The following FTCDNL1 variants were observed in gnomAD, a reference collection of about 807,000 sequenced individuals.
The protein encoded by FTCDNL1 is formiminotransferase cyclodeaminase N-terminal like.
In FTCDNL1, 11 loss-of-function variants were observed where a neutral mutation model predicts 5.9. The ratio of observed to expected loss-of-function variants is 1.87; its 90% CI spans 1.18 to 3.10. The LOEUF is 3.10. Among genes scored for constraint, FTCDNL1 ranks in the 30% most tolerant of loss-of-function variants. The pLI, the probability that FTCDNL1 is intolerant of heterozygous loss-of-function variation, is 0.00. For synonymous variants in FTCDNL1, 58 were observed against 24.8 expected (o/e 2.34, Z -3.99); for missense variants, 115 against 65.5 (o/e 1.76, Z -2.61).
chr2:199,816,642 T>C (rs2106483927), intron 4 of FTCDNL1, among the ~76,000 whole-genome samples: 1 of 152,350 alleles, frequency 6.6e-6, no homozygotes, highest in Non-Finnish European at 1.5e-5. Context: ...GCACTGGCTA[T>C]TCCCTCTGCC....
At chr2:199,765,530 C>CT (rs1491328860) in intron 3 of FTCDNL1, among the ~76,000 whole-genome samples, 1,154 of 89,448 alleles carry the variant, frequency 0.013, 22 homozygotes, top group East Asian at 0.053. Flanking sequence ...TTTTTGTCTT[C>CT]ATTATATATA....
chr2:199,722,674 C>T, the FTCDNL1 span, among the ~76,000 whole-genome samples: 1 of 152,114 alleles, frequency 6.6e-6, no homozygotes, highest in East Asian at 1.9e-4. Context: ...TCAATGGTAG[C>T]TTGATGGGAC....
chr2:199,685,223 A>G, the FTCDNL1 span, among the ~76,000 whole-genome samples: 1 of 152,148 alleles, frequency 6.6e-6, no homozygotes, highest in Non-Finnish European at 1.5e-5. Context: ...GACAAGGGGA[A>G]ACAGCACCTA....
chr2:199,691,286 C>T, the FTCDNL1 span, among the ~76,000 whole-genome samples: 34 of 152,226 alleles, frequency 2.2e-4, no homozygotes, highest in Non-Finnish European at 1.3e-4. Flanking sequence ...GATTCTCCTG[C>T]CTCAGCCTCC....
chr2:199,819,087 T>C (rs1318825036), intron 4 of FTCDNL1: 1 of 153,414 alleles, frequency 6.5e-6, no homozygotes, highest in East Asian at 1.9e-4. Flanking sequence ...GAACAGCTTT[T>C]TTCCAGGGTT....
intron 3 of FTCDNL1, among the ~76,000 whole-genome samples, chr2:199,792,086 TA>T (rs397961881): frequency 2.6e-4 from 39 of 149,384 alleles, no homozygotes; most frequent in Middle Eastern, 3.5e-3. Flanking sequence ...ATTTTATGTG[TA>T]AAAAAAAAAT....
downstream of FTCDNL1, among the ~76,000 whole-genome samples, chr2:199,759,934 G>A (rs143230806): frequency 4.6e-5 from 7 of 152,254 alleles, no homozygotes; most frequent in East Asian, 9.7e-4. Context: ...TGGACAGCTC[G>A]TAATTGTATT....
intron 3 of FTCDNL1, among the ~76,000 whole-genome samples, chr2:199,829,335 G>A (rs967135447): frequency 3.9e-5 from 6 of 152,066 alleles, no homozygotes; most frequent in Middle Eastern, 3.4e-3. Context: ...TTTAACCTTC[G>A]TGTTTGGCTG....
In FTCDNL1 at chr2:199,811,421, G is replaced by A. The variant is rs185933555; in HGVS notation, c.*1284C>T. On this transcript the variant is annotated 3_prime_UTR_variant, in exon 5 of 5. Coordinates refer to ENST00000420128, the MANE Select transcript of FTCDNL1 (RefSeq NM_001363886.2). ...AAGGAATGGTAATATCTTTACCATC[G>A]TTCCAACAAATAGTTGGATCACACT... Among the ~76,000 whole-genome samples, 25 of 152,102 alleles carry A rather than the reference G, an allele frequency of 1.6e-4. No individual in the cohort carries two copies. The East Asian group carries it at 1.9e-3, about 12-fold the overall frequency.
intron 3 of FTCDNL1, among the ~76,000 whole-genome samples, chr2:199,836,556 C>T (rs549135410): frequency 1.3e-5 from 2 of 152,162 alleles, no homozygotes; most frequent in Admixed American, 6.5e-5. Flanking sequence ...TCCCTTGAGC[C>T]TAGGAGTTTG....
downstream of FTCDNL1, among the ~76,000 whole-genome samples, chr2:199,805,968 T>C (rs968953200): frequency 6.6e-6 from 1 of 150,686 alleles, no homozygotes; most frequent in Non-Finnish European, 1.5e-5. Context: ...TGAGAGATAA[T>C]AGGTTAACAC....
the FTCDNL1 span, among the ~76,000 whole-genome samples, chr2:199,693,369 G>T: frequency 6.6e-6 from 1 of 152,178 alleles, no homozygotes; most frequent in Admixed American, 6.5e-5. Flanking sequence ...TAGGTTTGTG[G>T]CAGTATCAGT....
At chr2:199,741,338 A>T in the FTCDNL1 span, among the ~76,000 whole-genome samples, 1 of 152,298 alleles carries the variant, frequency 6.6e-6, no homozygotes, top group East Asian at 1.9e-4. Context: ...CTATGAAAAT[A>T]CAAATGCAAA....
At chr2:199,730,741 G>A in the FTCDNL1 span, among the ~76,000 whole-genome samples, 7 of 152,206 alleles carry the variant, frequency 4.6e-5, no homozygotes, top group Non-Finnish European at 1.5e-5. Flanking sequence ...TTACACTGTT[G>A]GTGGGTGTGT....
At chr2:199,838,177 G>A (rs1391698179) in intron 3 of FTCDNL1, among the ~76,000 whole-genome samples, 1 of 152,224 alleles carries the variant, frequency 6.6e-6, no homozygotes, top group Non-Finnish European at 1.5e-5. Context: ...AGGGTCCACA[G>A]TATCCTGCAG....
chr2:199,724,168 G>A, the FTCDNL1 span, among the ~76,000 whole-genome samples: 1 of 152,140 alleles, frequency 6.6e-6, no homozygotes, highest in African/African-American at 2.4e-5. Flanking sequence ...TAATGCATTT[G>A]CACAGAGGTG....
the FTCDNL1 span, among the ~76,000 whole-genome samples, chr2:199,701,299 T>TAAAAAAAAAAAAA: frequency 2.8e-5 from 2 of 72,352 alleles, no homozygotes; most frequent in African/African-American, 8.9e-5. Context: ...CTTGAAAGTT[T>TAAAAAAAAAAAAA]AAAAAAAAAA....
chr2:199,842,097 A>G (rs1344684056), intron 3 of FTCDNL1, among the ~76,000 whole-genome samples: 2 of 149,526 alleles, frequency 1.3e-5, no homozygotes, highest in Admixed American at 6.9e-5. Flanking sequence ...CATTTCTACT[A>G]AAAATACAAA....
the FTCDNL1 span, among the ~76,000 whole-genome samples, chr2:199,745,591 C>T: frequency 6.6e-6 from 1 of 152,208 alleles, no homozygotes; most frequent in Non-Finnish European, 1.5e-5. Flanking sequence ...TTTCTAAAAT[C>T]TGGAGTACAG....
Sources: allele counts gnomAD v4.1 joint callset (sites outside exome capture counted in the v4.1 genomes callset), GRCh38; gene constraint gnomAD v4.1.1; transcripts MANE v1.5; gene names NCBI Gene and HGNC (gene_info 2026-07-23, HGNC 2026-07-21).